The following TCF25 variants were observed in gnomAD, a reference collection of about 807,000 sequenced individuals.
TCF25 encodes the protein ribosome quality control complex subunit TCF25.
TCF25 carries 41 observed loss-of-function variants against 83.1 expected under a neutral mutation model. The observed-to-expected ratio is 0.49, with a 90% confidence interval of 0.38 to 0.64. TCF25 has a LOEUF of 0.64. Ranked by LOEUF, TCF25 falls within the 30% of genes least tolerant of loss-of-function variation. The pLI is 0.00. For synonymous variants in TCF25, 458 were observed against 365.0 expected (o/e 1.25, Z -2.90); for missense variants, 979 against 914.5 (o/e 1.07, Z -0.91).
intron 2 of TCF25, among the ~76,000 whole-genome samples, chr16:89,884,265 C>T (rs2042818678): frequency 6.6e-6 from 1 of 152,126 alleles, no homozygotes; most frequent in African/African-American, 2.4e-5. Flanking sequence ...CAGCAAGGCC[C>T]CCGTCTTCAG....
chr16:89,874,316 G>C (rs1329163674), intron 1 of TCF25, among the ~76,000 whole-genome samples: 1 of 149,784 alleles, frequency 6.7e-6, no homozygotes, highest in Non-Finnish European at 1.5e-5. Context: ...GGCTAAAGAC[G>C]GGGGGGTGGC....
intron 5 of TCF25, 136 bp from the exon 6 acceptor site, chr16:89,892,057 G>A (rs1357370125): frequency 2.8e-6 from 2 of 724,086 alleles, no homozygotes; most frequent in South Asian, 4.4e-5. Context: ...TGTCCTTAAT[G>A]CGTCCCCACC....
Position 89,896,035 on chromosome 16 carries a change from G to A in TCF25, c.974G>A (p.Ser325Asn). Reference sequence around the variant, plus strand: ...GAATGTGCGTTCCACCCCCTGTTCAGTCTCACCAGTGGGGCCTGCCGGCTG... The same window carrying A: ...GAATGTGCGTTCCACCCCCTGTTCAATCTCACCAGTGGGGCCTGCCGGCTG... ...SMECAFHPLFSLTSGACRLDY... is the reference protein window; with the variant it reads ...SMECAFHPLFNLTSGACRLDY... The change falls in exon 9 of 18, where the codon AGT becomes AAT. Residue 325 changes from serine (S) to asparagine (N), a missense_variant. Transcript: ENST00000263346. 6.2e-7 allele frequency: 1 copy of A among 1,613,938 alleles called. No homozygotes were observed. Among genetic ancestry groups the A allele is most frequent in the Non-Finnish European group, 8.5e-7 (1 of 1,180,004 alleles).
intron 4 of TCF25, among the ~76,000 whole-genome samples, chr16:89,886,516 A>G (rs2043031396): frequency 6.6e-6 from 1 of 151,988 alleles, no homozygotes; most frequent in Non-Finnish European, 1.5e-5. Flanking sequence ...TAATCCCAGC[A>G]CTTTGGGAGG....
intron 15 of TCF25, 51 bp downstream of exon 15, chr16:89,906,335 C>G: frequency 6.3e-7 from 1 of 1,574,982 alleles, no homozygotes; most frequent in Non-Finnish European, 8.7e-7. Context: ...GTCACATGCA[C>G]GTCCCTTCTG....
At chr16:89,903,398 C>A (rs187375360) in intron 12 of TCF25, among the ~76,000 whole-genome samples, 1 of 152,248 alleles carries the variant, frequency 6.6e-6, no homozygotes, top group Admixed American at 6.5e-5. Context: ...CGGCCGGGCA[C>A]GGTGGCTCAC....
chr16:89,904,702 A>T (rs759683360), intron 13 of TCF25: 4 of 656,788 alleles, frequency 6.1e-6, no homozygotes. Context: ...GCATTTTCAC[A>T]TTTCTGTGAC....
chr16:89,884,043 C>G (rs1297486419), intron 2 of TCF25: 3 of 167,616 alleles, frequency 1.8e-5, no homozygotes. Flanking sequence ...AACAAGTGTT[C>G]TTGGGAGCTT....
At chr16:89,880,051 A>T (rs2042490598) in intron 1 of TCF25, among the ~76,000 whole-genome samples, 1 of 146,914 alleles carries the variant, frequency 6.8e-6, no homozygotes, top group African/African-American at 2.6e-5. Context: ...GTGTACACAG[A>T]TGGGCTTCAG....
intron 8 of TCF25, 69 bp downstream of exon 8, chr16:89,895,206 T>C (rs2043757199): frequency 1.4e-6 from 2 of 1,411,054 alleles, no homozygotes; most frequent in South Asian, 2.4e-5. Flanking sequence ...ACAGATGCGA[T>C]GGTGTAAGAT....
chr16:89,906,056 A>G, intron 14 of TCF25, 138 bp from the exon 15 acceptor site: 1 of 750,186 alleles, frequency 1.3e-6, no homozygotes, highest in Non-Finnish European at 2.2e-6. Flanking sequence ...CTCGAGAGTA[A>G]AGTGTACAGT....
At chr16:89,896,153 G>A in intron 9 of TCF25, 70 bp downstream of exon 9, 2 of 1,474,430 alleles carry the variant, frequency 1.4e-6, no homozygotes, top group Non-Finnish European at 1.9e-6. Context: ...TGGGGGAGGT[G>A]CAGTGGGCAC....
Position 89,898,554 on chromosome 16 carries a change from T to C in TCF25, c.1023-3T>C. Reference sequence around the variant, plus strand: ...AATTCATGTGGAACTATTTTGGATCTAGGAGCTTCTACCTGGCCCTCTACA... The same window carrying C: ...AATTCATGTGGAACTATTTTGGATCCAGGAGCTTCTACCTGGCCCTCTACA... On this transcript the variant is annotated splice_region_variant and splice_polypyrimidine_tract_variant and intron_variant, in intron 9 of 17. Coordinates refer to ENST00000263346, the MANE Select transcript of TCF25 (RefSeq NM_014972.3). 1 of 1,596,106 alleles carries C rather than the reference T, an allele frequency of 6.3e-7. No individual in the cohort carries two copies. The highest frequency in any genetic ancestry group is 8.5e-7 in the Non-Finnish European group (1 of 1,175,550).
chr16:89,904,977 T>C lies in TCF25; in HGVS notation c.1509T>C (p.Leu503=). The change falls in exon 14 of 18, where the codon CTT becomes CTC. Residue 503 remains leucine (L), a synonymous_variant. Coordinates refer to ENST00000263346, the MANE Select transcript of TCF25 (RefSeq NM_014972.3). ...TGAGCCAGCTGGTGAACCTGTACCT[T>C]GGGAGGTCACACTTTCTCTGGAAAG... The part of the protein sequence containing the change: ...PALSQLVNLY[L]GRSHFLWKEP... 1 of 1,608,476 alleles carries C rather than the reference T, an allele frequency of 6.2e-7. No homozygotes were observed.
At chr16:89,903,766 C>T (rs1187556750) in intron 12 of TCF25, among the ~76,000 whole-genome samples, 1 of 152,114 alleles carries the variant, frequency 6.6e-6, no homozygotes, top group Non-Finnish European at 1.5e-5. Flanking sequence ...GAGATTTCGC[C>T]AACGCACTCC....
intron 7 of TCF25, 111 bp downstream of exon 7, chr16:89,893,969 C>A: frequency 6.9e-7 from 1 of 1,455,804 alleles, no homozygotes; most frequent in Non-Finnish European, 9.2e-7. Context: ...CTGCCCTTCC[C>A]AACAGGAAGG....
intron 1 of TCF25, among the ~76,000 whole-genome samples, chr16:89,877,619 T>G (rs889708630): frequency 6.6e-6 from 1 of 152,142 alleles, no homozygotes; most frequent in African/African-American, 2.4e-5. Context: ...ACTCAAAATG[T>G]GTCGAAGGAA....
In TCF25 at chr16:89,904,112, C is replaced by T. The variant is rs28726246; in HGVS notation, c.1382-6C>T. 151 of 1,603,902 alleles carry T rather than the reference C, an allele frequency of 9.4e-5. No individual in the cohort carries two copies. In the African/African-American group the frequency reaches 1.9e-3, roughly 20 times the overall value. On this transcript the variant is annotated splice_region_variant and splice_polypyrimidine_tract_variant and intron_variant, in intron 12 of 17. Coordinates refer to ENST00000263346, the MANE Select transcript of TCF25 (RefSeq NM_014972.3). Reference sequence around the variant, plus strand: ...GGCCCCCACAGAGCCTCCGCTTCCCCTGCAGTCCTCCTGCCCCTGCTCGAG... The same window carrying T: ...GGCCCCCACAGAGCCTCCGCTTCCCTTGCAGTCCTCCTGCCCCTGCTCGAG...
chr16:89,881,434 T>G (rs900825985), intron 1 of TCF25, among the ~76,000 whole-genome samples: 2 of 152,130 alleles, frequency 1.3e-5, no homozygotes, highest in African/African-American at 2.4e-5. Flanking sequence ...TTGATGCTGG[T>G]CTCTGTTAGC....
Sources: gnomAD v4.1 joint callset for allele counts (sites outside exome capture counted in the v4.1 genomes callset) on GRCh38, gnomAD v4.1.1 for gene constraint, MANE v1.5 for transcripts, NCBI Gene and HGNC (gene_info 2026-07-23, HGNC 2026-07-21) for gene names.